PRR5L: variants seen among roughly 807,000 people sequenced by gnomAD.
The protein encoded by PRR5L is proline rich 5 like.
A neutral mutation model predicts 36.4 loss-of-function variants in PRR5L; 21 were observed. That is an observed-to-expected ratio of 0.58 (90% confidence interval 0.41 to 0.83). The LOEUF (loss-of-function observed/expected upper bound fraction) is 0.83. Ranked by LOEUF, PRR5L falls within the 40% of genes least tolerant of loss-of-function variation. PRR5L has a pLI of 0.00. For synonymous variants in PRR5L, 188 were observed against 197.0 expected (o/e 0.95, Z 0.38); for missense variants, 381 against 473.3 (o/e 0.80, Z 1.81).
chr11:36,332,553 G>C (rs11033557), intron 1 of PRR5L, among the ~76,000 whole-genome samples: 1 of 152,126 alleles, frequency 6.6e-6, no homozygotes, highest in Non-Finnish European at 1.5e-5. Flanking sequence ...CAATCCATCT[G>C]CTATGGTTTG....
intron 3 of PRR5L, 94 bp from the exon 4 acceptor site, chr11:36,419,160 CT>C (rs1417948728): frequency 4.4e-6 from 5 of 1,129,154 alleles, no homozygotes; most frequent in Non-Finnish European, 6.8e-6. Flanking sequence ...GATCTCAGAC[CT>C]GGCCCCACCC....
intron 3 of PRR5L, among the ~76,000 whole-genome samples, chr11:36,416,300 T>C (rs1258460939): frequency 6.6e-6 from 1 of 152,206 alleles, no homozygotes; most frequent in Non-Finnish European, 1.5e-5. Flanking sequence ...GGTAGAGCAA[T>C]AGAATCTTGA....
At chr11:36,302,680 G>A (rs543219330) in intron 1 of PRR5L, among the ~76,000 whole-genome samples, 15 of 152,232 alleles carry the variant, frequency 9.9e-5, no homozygotes, top group Middle Eastern at 3.4e-3. Context: ...CCAGCTACTC[G>A]GGAGGCTGAG....
intron 2 of PRR5L, among the ~76,000 whole-genome samples, chr11:36,401,868 G>A (rs77229041): frequency 4.6e-5 from 7 of 152,156 alleles, no homozygotes; most frequent in South Asian, 4.1e-4. Flanking sequence ...TGGAATTTAC[G>A]GTCACTATTC....
chr11:36,299,797 G>A (rs1327708629), intron 1 of PRR5L, among the ~76,000 whole-genome samples: 4 of 152,096 alleles, frequency 2.6e-5, no homozygotes, highest in Non-Finnish European at 5.9e-5. Context: ...CATCATCCAG[G>A]CTTCTTAGAG....
chr11:36,419,899 G>T (rs992234530), intron 4 of PRR5L, among the ~76,000 whole-genome samples: 3 of 152,196 alleles, frequency 2.0e-5, no homozygotes, highest in Non-Finnish European at 4.4e-5. Context: ...TCCCTTGAAA[G>T]AGTTTGGGTA....
At chr11:36,340,709 A>G in intron 1 of PRR5L, among the ~76,000 whole-genome samples, 1 of 152,198 alleles carries the variant, frequency 6.6e-6, no homozygotes, top group East Asian at 1.9e-4. Context: ...AGAAGCAGGG[A>G]GGAAACTGCC....
intron 5 of PRR5L, among the ~76,000 whole-genome samples, chr11:36,432,114 T>C (rs1858509065): frequency 3.3e-5 from 5 of 152,134 alleles, no homozygotes; most frequent in Admixed American, 2.0e-4. Flanking sequence ...CAGAAAAATG[T>C]AGTGGGACGG....
In PRR5L at chr11:36,462,207, C is replaced by T; in HGVS notation, c.713-135C>T. ...TAGGTATCACCAGATTCCTCCCTTG[C>T]ATTGTGGCAGGGCTGCACCTAAGAG... On this transcript the variant is annotated intron_variant, in intron 8 of 8. Coordinates refer to ENST00000530639, the MANE Select transcript of PRR5L (RefSeq NM_001160167.2). 1.5e-5 allele frequency: 12 copies of T among 780,648 alleles called. No homozygotes were observed. In the South Asian group the frequency reaches 3.6e-4, roughly 24 times the overall value. The allele number at this position is 780,648 out of a possible 1,614,324, so 48.4% of individuals were successfully genotyped here. A position where few individuals can be genotyped will look rare whatever the true frequency, so the allele number is the denominator to read the frequency against.
Position 36,446,456 on chromosome 11 carries a change from A to C in PRR5L, c.585+16A>C, listed in dbSNP as rs777230693. ...CATCCTGCAGGTGAGGCTGTGCTGG[A>C]GACTTGCCCCAAGGCAGAGGGAGGG... On this transcript the variant is annotated intron_variant, in intron 7 of 8. Transcript: ENST00000530639. 3.7e-6 allele frequency: 6 copies of C among 1,613,322 alleles called. No individual in the cohort carries two copies. In the African/African-American group the frequency reaches 6.7e-5, roughly 18 times the overall value.
chr11:36,462,832 G>A lies in PRR5L; in HGVS notation c.*96G>A, dbSNP rs919686243. 8.5e-7 allele frequency: 1 copy of A among 1,175,100 alleles called. No homozygotes were observed. The highest frequency in any genetic ancestry group is 1.2e-6 in the Non-Finnish European group (1 of 852,468). 72.8% of individuals were successfully genotyped at this position (1,175,100 alleles called of 1,614,324 possible). A position where few individuals can be genotyped will look rare whatever the true frequency, so the allele number is the denominator to read the frequency against. On this transcript the variant is annotated 3_prime_UTR_variant, in exon 9 of 9. Transcript: ENST00000530639. ...ACTGAGGGGGGCTCTTGCTTTATGCGATGCTGCCTTATTTCCTTTAGGGTA... is the reference window on the plus strand; with the variant it reads ...ACTGAGGGGGGCTCTTGCTTTATGCAATGCTGCCTTATTTCCTTTAGGGTA...
chr11:36,415,878 C>T (rs1474561814), intron 3 of PRR5L, among the ~76,000 whole-genome samples: 1 of 152,194 alleles, frequency 6.6e-6, no homozygotes, highest in African/African-American at 2.4e-5. Context: ...CAGACTTGAA[C>T]AGCAAGTTAT....
At chr11:36,362,170 G>C (rs1857096683) in intron 1 of PRR5L, 1 of 151,760 alleles carries the variant, frequency 6.6e-6, no homozygotes, top group South Asian at 2.1e-4. Flanking sequence ...AACAGAACTT[G>C]CTCCGAGTGA....
intron 8 of PRR5L, among the ~76,000 whole-genome samples, chr11:36,460,640 T>C (rs988944551): frequency 1.3e-5 from 2 of 152,280 alleles, no homozygotes; most frequent in African/African-American, 4.8e-5. Context: ...ATATAATACC[T>C]GAGCCTTCTC....
intron 1 of PRR5L, among the ~76,000 whole-genome samples, chr11:36,336,519 C>T (rs886952772): frequency 3.4e-5 from 5 of 146,274 alleles, no homozygotes; most frequent in Non-Finnish European, 6.0e-5. Flanking sequence ...CTTGAACCAC[C>T]GCGCCTGGCC....
rs569317832 is a variant in PRR5L at position 36,423,269 on chromosome 11, A to G, written c.294+3966A>G. On this transcript the variant is annotated intron_variant, in intron 4 of 8. Coordinates refer to ENST00000530639, the MANE Select transcript of PRR5L (RefSeq NM_001160167.2). The stretch of plus-strand genomic sequence containing the variant: ...TGTATGTGTACGTGTGTGTGCATGT[A>G]TGCATATATATGTATTTTTCCATTT... Among the ~76,000 whole-genome samples the G allele has an allele frequency of 5.3e-5, 8 of 152,310 alleles. No individual in the cohort carries two copies. In the South Asian group the frequency reaches 1.7e-3, roughly 32 times the overall value.
In PRR5L at chr11:36,351,316, A is replaced by T. The variant is rs1490538141; in HGVS notation, c.-125-49681A>T. 1.2e-4 allele frequency among the ~76,000 whole-genome samples: 9 copies of T among 73,290 alleles called. No homozygotes were observed. In the South Asian group the frequency reaches 5.0e-3, roughly 41 times the overall value. The allele number at this position is 73,290 out of a possible 152,430, so 48.1% of individuals were successfully genotyped here. A position where few individuals can be genotyped will look rare whatever the true frequency, so the allele number is the denominator to read the frequency against. ...TATATTTATATATATATTTATATAT[A>T]TTTATAAATATTTATATATATTTAT... On this transcript the variant is annotated intron_variant, in intron 1 of 8. Coordinates refer to ENST00000530639, the MANE Select transcript of PRR5L (RefSeq NM_001160167.2).
In PRR5L at chr11:36,401,154, C is replaced by T. The variant is rs561124348; in HGVS notation, c.33C>T (p.Val11=). 29 of 1,614,060 alleles carry T rather than the reference C, an allele frequency of 1.8e-5. No individual in the cohort carries two copies. In the South Asian group the frequency reaches 2.3e-4, roughly 13 times the overall value. The change falls in exon 2 of 9, where the codon GTC becomes GTT. Residue 11 remains valine (V), a synonymous_variant. Transcript: ENST00000530639. ...GCGGCTTCGCTCCCATTCTGCCCGT[C>T]GAGTTCCACAAGATGGGCTCCTTCC... is the stretch of plus-strand genomic sequence containing the variant. MTRGFAPILP[V]EFHKMGSFRR...
intron 8 of PRR5L, among the ~76,000 whole-genome samples, chr11:36,459,871 C>G (rs975716393): frequency 6.6e-6 from 1 of 152,142 alleles, no homozygotes; most frequent in African/African-American, 2.4e-5. Context: ...CACATTTACT[C>G]GGAGGGCCCC....
Sources: gnomAD v4.1 joint callset for allele counts (sites outside exome capture counted in the v4.1 genomes callset) on GRCh38, gnomAD v4.1.1 for gene constraint, MANE v1.5 for transcripts, NCBI Gene and HGNC (gene_info 2026-07-23, HGNC 2026-07-21) for gene names.